Variants in PCDHA3 observed in about 807,000 individuals in gnomAD.
PCDHA3 encodes the protein protocadherin alpha 3, also known as protocadherin alpha-3.
PCDHA3 carries 41 observed loss-of-function variants against 62.2 expected under a neutral mutation model. The observed-to-expected ratio is 0.66, with a 90% CI of 0.51 to 0.86. PCDHA3 has a LOEUF of 0.86. PCDHA3 is among the 40% of genes least tolerant of loss of function. PCDHA3 has a pLI of 0.00. For missense variants in PCDHA3, 1,304 were observed against 1,241.2 expected (o/e 1.05, Z -0.76); for synonymous variants, 640 against 555.4 (o/e 1.15, Z -2.14).
intron 1 of PCDHA3, among the ~76,000 whole-genome samples, chr5:140,948,500 T>C (rs1482428616): frequency 6.6e-6 from 1 of 151,662 alleles, no homozygotes; most frequent in Non-Finnish European, 1.5e-5. Context: ...TCATAGACTT[T>C]CTATTAAAAA....
At chr5:140,807,054 T>G in intron 1 of PCDHA3, 1 of 1,059,756 alleles carries the variant, frequency 9.4e-7, no homozygotes, top group Non-Finnish European at 1.4e-6. Flanking sequence ...CTTCTATTCT[T>G]ACTGGAAGGA....
chr5:140,829,393 G>A, intron 1 of PCDHA3: 1 of 1,614,050 alleles, frequency 6.2e-7, no homozygotes, highest in African/African-American at 1.3e-5. Flanking sequence ...GCTCGCCTTC[G>A]CTGTGGGCCA....
intron 1 of PCDHA3, chr5:140,808,664 T>C (rs1554124680): frequency 3.7e-6 from 6 of 1,613,026 alleles, no homozygotes; most frequent in Non-Finnish European, 5.1e-6. Flanking sequence ...GGTGTCCTAC[T>C]CGCTGGTAGA....
chr5:140,801,213 C>G lies in PCDHA3; in HGVS notation c.16C>G (p.Arg6Gly), dbSNP rs1482637194. Residue 6 changes from arginine (R) to glycine (G), a missense_variant, in exon 1 of 4, where the codon CGA becomes GGA. By Grantham distance (125) the Arg-to-Gly change is moderately radical. Coordinates refer to ENST00000522353, the MANE Select transcript of PCDHA3 (RefSeq NM_018906.3). ...AATACTTGCAATGTTGTTCTCCTGG[C>G]GAGAAGATCCTGGAGCCCAGTGCCT... MLFSW[R>G]EDPGAQCLLL... 6.2e-7 allele frequency: 1 copy of G among 1,605,612 alleles called. No individual in the cohort carries two copies. The highest frequency in any genetic ancestry group is 2.2e-5 in the East Asian group (1 of 44,728).
intron 3 of PCDHA3, among the ~76,000 whole-genome samples, chr5:140,996,976 G>A (rs573896136): frequency 2.6e-5 from 4 of 152,078 alleles, no homozygotes; most frequent in East Asian, 3.9e-4. Flanking sequence ...CTCCCCTTTG[G>A]TGAAGCAACC....
chr5:140,822,397 C>A, intron 1 of PCDHA3: 1 of 1,613,980 alleles, frequency 6.2e-7, no homozygotes, highest in Non-Finnish European at 8.5e-7. Context: ...ACAAGAACAC[C>A]GTTTATTAGT....
chr5:140,842,383 C>G lies in PCDHA3; in HGVS notation c.2394+38792C>G, dbSNP rs1554138979. 20 of 1,610,678 alleles carry G rather than the reference C, an allele frequency of 1.2e-5. No individual in the cohort carries two copies. In the South Asian group the frequency reaches 2.2e-4, roughly 18 times the overall value. On this transcript the variant is annotated intron_variant, in intron 1 of 3. Coordinates refer to ENST00000522353, the MANE Select transcript of PCDHA3 (RefSeq NM_018906.3). ...ACGTCCCTGAGATAGCACTGACTTC[C>G]TTATCCTTGCCTGTACGTGAAGACG... is the stretch of plus-strand genomic sequence containing the variant.
chr5:140,801,588 C>T lies in PCDHA3; in HGVS notation c.391C>T (p.Pro131Ser), dbSNP rs782429900. 4.3e-6 allele frequency: 7 copies of T among 1,614,062 alleles called. No individual in the cohort carries two copies. The Admixed American group carries it at 8.3e-5, about 19-fold the overall frequency. ...VEVKDINDNAPVFPMAVKNLF... is the reference protein window; with the variant it reads ...VEVKDINDNASVFPMAVKNLF... ...AGTGAAGGACATTAATGACAACGCG[C>T]CAGTTTTTCCAATGGCTGTAAAGAA... Residue 131 changes from proline to serine, a missense_variant, in exon 1 of 4, where the codon CCA becomes TCA. By Grantham distance (74) the Pro-to-Ser change is moderately conservative (BLOSUM62 -1). Transcript: ENST00000522353.
chr5:140,807,858 G>A, intron 1 of PCDHA3: 1 of 1,614,144 alleles, frequency 6.2e-7, no homozygotes, highest in South Asian at 1.1e-5. Flanking sequence ...GAGTTGACTG[G>A]CACCGTTCAG....
chr5:140,930,072 C>G (rs2086579078), intron 1 of PCDHA3: 1 of 152,132 alleles, frequency 6.6e-6, no homozygotes, highest in Admixed American at 6.5e-5. Flanking sequence ...AACTGTAAGC[C>G]TCTCTCATAA....
At chr5:140,860,679 T>C (rs1465789150) in intron 1 of PCDHA3, 1 of 152,238 alleles carries the variant, frequency 6.6e-6, no homozygotes, top group Non-Finnish European at 1.5e-5. Flanking sequence ...AATGCACTTA[T>C]GTTTTGAGCG....
intron 1 of PCDHA3, among the ~76,000 whole-genome samples, chr5:140,832,841 G>C (rs1249318622): frequency 2.6e-5 from 4 of 152,146 alleles, no homozygotes; most frequent in African/African-American, 9.6e-5. Context: ...CCTTGTTGAA[G>C]GAGACCGTGA....
chr5:140,887,880 G>A (rs2061617016), intron 1 of PCDHA3, among the ~76,000 whole-genome samples: 1 of 151,970 alleles, frequency 6.6e-6, no homozygotes, highest in African/African-American at 2.4e-5. Flanking sequence ...TCCTTTTGTA[G>A]TATCATATCT....
intron 1 of PCDHA3, among the ~76,000 whole-genome samples, chr5:140,894,197 A>G (rs1378272032): frequency 6.6e-6 from 1 of 152,008 alleles, no homozygotes; most frequent in Admixed American, 6.6e-5. Context: ...TATTTTTTCT[A>G]TGCTATTATA....
intron 1 of PCDHA3, among the ~76,000 whole-genome samples, chr5:140,917,167 ATGG>A (rs1237150759): frequency 6.6e-6 from 1 of 152,160 alleles, no homozygotes; most frequent in African/African-American, 2.4e-5. Flanking sequence ...GGGAGGGGTG[ATGG>A]TGGTGATCCC....
chr5:140,941,241 T>TTCTTTCTTTCTTTCTTTCTTTCTC (rs1585048929), intron 1 of PCDHA3, among the ~76,000 whole-genome samples: 1 of 140,458 alleles, frequency 7.1e-6, no homozygotes, highest in East Asian at 2.0e-4. Flanking sequence ...CTTTCTTTCT[T>TTCTTTCTTTCTTTCTTTCTTTCTC]TCTTTCTTTC....
intron 1 of PCDHA3, chr5:140,829,380 G>C (rs1554131916): frequency 2.5e-6 from 4 of 1,613,994 alleles, no homozygotes; most frequent in Non-Finnish European, 3.4e-6. Context: ...GCGCGGGACG[G>C]GGGCTCGCCT....
rs1386589487 is a variant in PCDHA3 at position 140,876,579 on chromosome 5, T to C, written c.2394+72988T>C. ...AGGATGCTCAGGTGGGTACCGTCAT[T>C]GCCCTGATTAGCGTGTCGGATCGTG... On this transcript the variant is annotated intron_variant, in intron 1 of 3. Coordinates refer to ENST00000522353, the MANE Select transcript of PCDHA3 (RefSeq NM_018906.3). 5 of 1,614,104 alleles carry C rather than the reference T, an allele frequency of 3.1e-6. No homozygotes were observed. In the African/African-American group the frequency reaches 5.3e-5, roughly 17 times the overall value.
At chr5:140,976,566 A>C (rs2096723160) in intron 1 of PCDHA3, among the ~76,000 whole-genome samples, 2 of 152,098 alleles carry the variant, frequency 1.3e-5, no homozygotes, top group African/African-American at 4.8e-5. Flanking sequence ...TAAATAAATA[A>C]ATATAAATAA....
Sources: allele counts gnomAD v4.1 joint callset (sites outside exome capture counted in the v4.1 genomes callset), GRCh38; gene constraint gnomAD v4.1.1; transcripts MANE v1.5; gene names NCBI Gene and HGNC (gene_info 2026-07-23, HGNC 2026-07-21).